The following PTPRD variants were observed in gnomAD, a reference collection of about 807,000 sequenced individuals.
The protein encoded by PTPRD is protein tyrosine phosphatase receptor type D.
Under a neutral mutation model 214.5 loss-of-function variants are expected in PTPRD, and 34 were observed. The observed-to-expected ratio is 0.16, with a 90% confidence interval of 0.12 to 0.21. The LOEUF (loss-of-function observed/expected upper bound fraction) is 0.21, where lower values mean the gene tolerates loss of function less well. Among genes scored for constraint, PTPRD ranks in the 10% least tolerant of loss-of-function variants. PTPRD has a pLI of 1.00. For synonymous variants in PTPRD, 1,128 were observed against 845.7 expected (o/e 1.33, Z -5.79); for missense variants, 2,545 against 2,398.7 (o/e 1.06, Z -1.27).
intron 33 of PTPRD, among the ~76,000 whole-genome samples, 193 bp from the exon 34 acceptor site, chr9:8,450,030 T>C (rs2095874543): frequency 6.6e-6 from 1 of 152,124 alleles, no homozygotes; most frequent in Non-Finnish European, 1.5e-5. Flanking sequence ...TCTAAAATTT[T>C]TGTTTAAGTC....
At chr9:8,710,817 G>A (rs981701608) in intron 12 of PTPRD, among the ~76,000 whole-genome samples, 5 of 151,972 alleles carry the variant, frequency 3.3e-5, no homozygotes, top group Non-Finnish European at 7.4e-5. Context: ...CATATGAAGG[G>A]CCTTCAAACA....
intron 11 of PTPRD, among the ~76,000 whole-genome samples, chr9:8,759,072 C>G (rs2094226915): frequency 6.6e-6 from 1 of 151,768 alleles, no homozygotes; most frequent in South Asian, 2.1e-4. Flanking sequence ...ACTCTGTCAC[C>G]CAGGCTGGAG....
chr9:10,217,614 C>A (rs775229978), intron 3 of PTPRD, among the ~76,000 whole-genome samples: 4 of 151,910 alleles, frequency 2.6e-5, no homozygotes, highest in Non-Finnish European at 5.9e-5. Context: ...GAGCTTAATG[C>A]CTTCTCTGTC....
intron 30 of PTPRD, among the ~76,000 whole-genome samples, chr9:8,481,877 G>C (rs62534026): frequency 0.057 from 8,703 of 152,186 alleles, 331 homozygotes; most frequent in South Asian, 0.13. Context: ...CCACCTCCCA[G>C]GTTCAAGCGA....
chr9:9,091,923 A>T lies in PTPRD; in HGVS notation c.-142-73188T>A, dbSNP rs138601398. Among the ~76,000 whole-genome samples, 3 of 152,316 alleles carry T rather than the reference A, an allele frequency of 2.0e-5. No individual in the cohort carries two copies. The East Asian group carries it at 5.8e-4, about 29-fold the overall frequency. On this transcript the variant is annotated intron_variant, in intron 10 of 45. Coordinates refer to ENST00000381196, the MANE Select transcript of PTPRD (RefSeq NM_002839.4). Reference sequence around the variant, plus strand: ...AAAACCTAATTAACAAAAAATTCTTATCTCACTAATGTCACCTTCTATCTG... The same window carrying T: ...AAAACCTAATTAACAAAAAATTCTTTTCTCACTAATGTCACCTTCTATCTG...
intron 10 of PTPRD, among the ~76,000 whole-genome samples, chr9:9,170,018 C>A (rs183321449): frequency 6.6e-6 from 1 of 152,220 alleles, no homozygotes; most frequent in East Asian, 1.9e-4. Context: ...GGTGTTTTTT[C>A]ATTTGTATTT....
intron 11 of PTPRD, among the ~76,000 whole-genome samples, chr9:8,909,676 T>C (rs7854830): frequency 0.091 from 13,838 of 151,872 alleles, 1,427 homozygotes; most frequent in African/African-American, 0.25. Flanking sequence ...TCTCCTAAGA[T>C]TGAAAAGAAG....
At position 9,960,179 on chromosome 9, in the gene PTPRD, T is replaced by G. The variant is rs142997725; in HGVS notation, c.-471-21569A>C. On this transcript the variant is annotated intron_variant, in intron 4 of 45. Transcript: ENST00000381196. Reference sequence around the variant, plus strand: ...ATGCAAGGACATATTCAAAAAATTTTAAAAATGAAAAAAGGAGTATGAAAA... The same window carrying G: ...ATGCAAGGACATATTCAAAAAATTTGAAAAATGAAAAAAGGAGTATGAAAA... 4.4e-3 allele frequency among the ~76,000 whole-genome samples: 553 copies of G among 125,280 alleles called. 4 individuals carry two copies. Among genetic ancestry groups the G allele is most frequent in the African/African-American group, 0.015 (507 of 33,024 alleles). The allele number at this position is 125,280 out of a possible 152,430, so 82.2% of individuals were successfully genotyped here. A position where few individuals can be genotyped will look rare whatever the true frequency, so the allele number is the denominator to read the frequency against.
At chr9:10,190,862 G>T (rs1319568765) in intron 3 of PTPRD, among the ~76,000 whole-genome samples, 1 of 152,078 alleles carries the variant, frequency 6.6e-6, no homozygotes, top group African/African-American at 2.4e-5. Context: ...CACAGGGTAT[G>T]GGGTTTACCT....
chr9:9,320,095 G>A (rs1965689039), intron 9 of PTPRD, among the ~76,000 whole-genome samples: 1 of 152,148 alleles, frequency 6.6e-6, no homozygotes, highest in South Asian at 2.1e-4. Context: ...TGTTTTATTT[G>A]AAACAGAATA....
At chr9:10,444,050 A>T (rs1490166736) in intron 2 of PTPRD, among the ~76,000 whole-genome samples, 1 of 151,690 alleles carries the variant, frequency 6.6e-6, no homozygotes, top group Non-Finnish European at 1.5e-5. Context: ...GTATAAATTG[A>T]AGTCAAGGGT....
intron 43 of PTPRD, 35 bp from the exon 44 acceptor site, chr9:8,331,771 G>T: frequency 6.5e-7 from 1 of 1,540,760 alleles, no homozygotes; most frequent in Non-Finnish European, 8.7e-7. Flanking sequence ...GGCCGCAAAG[G>T]AAGACGCCAG....
At chr9:10,446,891 G>A (rs1178719499) in intron 2 of PTPRD, among the ~76,000 whole-genome samples, 2 of 152,110 alleles carry the variant, frequency 1.3e-5, no homozygotes, top group Non-Finnish European at 2.9e-5. Context: ...TACTGCCCAT[G>A]CTTATATACC....
intron 10 of PTPRD, among the ~76,000 whole-genome samples, chr9:9,067,642 C>T (rs1393276049): frequency 2.6e-5 from 4 of 152,036 alleles, no homozygotes; most frequent in African/African-American, 9.7e-5. Context: ...AAATTAACCT[C>T]TTTATTTTGT....
chr9:8,666,515 C>G (rs2097173517), intron 12 of PTPRD, among the ~76,000 whole-genome samples: 7 of 152,304 alleles, frequency 4.6e-5, no homozygotes, highest in Admixed American at 3.3e-4. Context: ...GTGTCACTGC[C>G]TCATAAAATT....
chr9:9,154,525 T>A (rs1266608739), intron 10 of PTPRD, among the ~76,000 whole-genome samples: 1 of 152,148 alleles, frequency 6.6e-6, no homozygotes, highest in Non-Finnish European at 1.5e-5. Context: ...ACCTATTGAA[T>A]CAAGGCTCCA....
intron 8 of PTPRD, among the ~76,000 whole-genome samples, chr9:9,526,482 A>G (rs2154260169): frequency 6.6e-6 from 1 of 152,328 alleles, no homozygotes; most frequent in Non-Finnish European, 1.5e-5. Flanking sequence ...TAAAATTACT[A>G]CGAGTCTATG....
intron 7 of PTPRD, among the ~76,000 whole-genome samples, chr9:9,595,288 T>TTA (rs56676115): frequency 0.012 from 1,448 of 123,554 alleles, 31 homozygotes; most frequent in African/African-American, 0.041. Context: ...TATATATATA[T>TTA]TATATATATA....
chr9:8,380,882 A>C (rs529017258), intron 37 of PTPRD, among the ~76,000 whole-genome samples: 1 of 152,100 alleles, frequency 6.6e-6, no homozygotes, highest in African/African-American at 2.4e-5. Context: ...GCTTATTTTT[A>C]AATTGTCTAC....
Sources: gnomAD v4.1 joint callset for allele counts (sites outside exome capture counted in the v4.1 genomes callset) on GRCh38, gnomAD v4.1.1 for gene constraint, MANE v1.5 for transcripts, NCBI Gene and HGNC (gene_info 2026-07-23, HGNC 2026-07-21) for gene names.